Variants in ZUP1 observed in about 807,000 individuals in gnomAD.
ZUP1 encodes the protein zinc finger-containing ubiquitin peptidase 1.
A neutral mutation model predicts 68.1 loss-of-function variants in ZUP1; 55 were observed. The observed-to-expected ratio is 0.81, with a 90% CI of 0.65 to 1.01. The LOEUF (loss-of-function observed/expected upper bound fraction) is 1.01. Ranked by LOEUF, ZUP1 falls within the 50% of genes least tolerant of loss-of-function variation. The pLI is 0.00. For synonymous variants in ZUP1, 223 were observed against 221.5 expected (o/e 1.01, Z -0.06); for missense variants, 684 against 674.9 (o/e 1.01, Z -0.15).
intron 7 of ZUP1, among the ~76,000 whole-genome samples, chr6:116,650,992 G>C (rs761726447): frequency 6.6e-6 from 1 of 152,064 alleles, no homozygotes; most frequent in African/African-American, 2.4e-5. Flanking sequence ...AAAAAGTCCA[G>C]ATTGGAGCAA....
intron 7 of ZUP1, among the ~76,000 whole-genome samples, chr6:116,647,877 G>A (rs1004101888): frequency 3.3e-5 from 5 of 152,026 alleles, no homozygotes; most frequent in African/African-American, 1.2e-4. Context: ...TAATAAGTCT[G>A]CTGACTAACC....
chr6:116,664,759 T>C (rs138424320), intron 2 of ZUP1, among the ~76,000 whole-genome samples: 22 of 151,952 alleles, frequency 1.4e-4, no homozygotes, highest in African/African-American at 5.1e-4. Flanking sequence ...CACACAGATA[T>C]GAAAATGTAA....
chr6:116,653,260 C>A (rs9320575), intron 5 of ZUP1, among the ~76,000 whole-genome samples: 55,109 of 151,600 alleles, frequency 0.36, 10,643 homozygotes, highest in African/African-American at 0.5. Flanking sequence ...TTTTTGTGTC[C>A]CCAAGGTACC....
rs578203799 is a variant in ZUP1 at position 116,646,730 on chromosome 6, A to G, written c.1468+729T>C. Among the ~76,000 whole-genome samples, 3 of 152,208 alleles carry G rather than the reference A, an allele frequency of 2.0e-5. No individual in the cohort carries two copies. The East Asian group carries it at 5.8e-4, about 29-fold the overall frequency. On this transcript the variant is annotated intron_variant, in intron 8 of 9. Transcript: ENST00000368576. The stretch of plus-strand genomic sequence containing the variant: ...GCTAGGACTACAGGCATGTGCCACC[A>G]CACCTGGCTAATTTTCTTATGTTTT...
At chr6:116,659,192 C>T (rs765568001) in intron 3 of ZUP1, among the ~76,000 whole-genome samples, 1 of 152,104 alleles carries the variant, frequency 6.6e-6, no homozygotes, top group Non-Finnish European at 1.5e-5. Flanking sequence ...TACAATGGTG[C>T]GATCTCAGCT....
chr6:116,649,851 A>G (rs1776425732), intron 7 of ZUP1, among the ~76,000 whole-genome samples: 2 of 152,228 alleles, frequency 1.3e-5, no homozygotes, highest in Non-Finnish European at 2.9e-5. Flanking sequence ...ATGGACAACT[A>G]AGGATTTCCA....
chr6:116,667,211 G>A lies in ZUP1; in HGVS notation c.-15-4C>T. 1.3e-6 allele frequency: 2 copies of A among 1,501,100 alleles called. No individual in the cohort carries two copies. Among genetic ancestry groups the A allele is most frequent in the Non-Finnish European group, 1.8e-6 (2 of 1,122,416 alleles). 93.0% of individuals were successfully genotyped at this position (1,501,100 alleles called of 1,614,324 possible). A position where few individuals can be genotyped will look rare whatever the true frequency, so the allele number is the denominator to read the frequency against. On this transcript the variant is annotated splice_polypyrimidine_tract_variant and splice_region_variant and intron_variant, in intron 1 of 9. Coordinates refer to ENST00000368576, the MANE Select transcript of ZUP1 (RefSeq NM_145062.3). Reference sequence around the variant, plus strand: ...AAAGCATGGTATTGACAAGTAGCTAGAAAAGAACATAACATTAGGTTTCAA... The same window carrying A: ...AAAGCATGGTATTGACAAGTAGCTAAAAAAGAACATAACATTAGGTTTCAA...
chr6:116,664,459 T>C (rs1483177374), intron 2 of ZUP1, among the ~76,000 whole-genome samples: 9 of 150,388 alleles, frequency 6.0e-5, no homozygotes, highest in Admixed American at 6.0e-4. Flanking sequence ...CACACAAAAT[T>C]GTATTAAAGG....
chr6:116,666,203 C>T (rs2114301056), intron 2 of ZUP1, among the ~76,000 whole-genome samples: 1 of 152,148 alleles, frequency 6.6e-6, no homozygotes, highest in South Asian at 2.1e-4. Flanking sequence ...ATCCACAGAA[C>T]ATGACCAAGA....
intron 2 of ZUP1, among the ~76,000 whole-genome samples, chr6:116,663,006 A>G (rs1471894660): frequency 1.3e-5 from 2 of 152,194 alleles, no homozygotes; most frequent in Non-Finnish European, 2.9e-5. Context: ...TTCAATATCC[A>G]TAGAAATAGT....
intron 9 of ZUP1, among the ~76,000 whole-genome samples, chr6:116,643,855 C>A (rs1465261159): frequency 1.5e-4 from 23 of 152,188 alleles, no homozygotes; most frequent in South Asian, 6.2e-4. Context: ...AATTAAACTA[C>A]AGAGCTTCTG....
chr6:116,649,917 A>G (rs1222122114), intron 7 of ZUP1, among the ~76,000 whole-genome samples: 1 of 152,240 alleles, frequency 6.6e-6, no homozygotes, highest in Non-Finnish European at 1.5e-5. Flanking sequence ...ATATGAAAAA[A>G]TACTAATATC....
chr6:116,651,239 G>C (rs1776480483), intron 7 of ZUP1, among the ~76,000 whole-genome samples: 1 of 152,106 alleles, frequency 6.6e-6, no homozygotes, highest in Non-Finnish European at 1.5e-5. Flanking sequence ...TGTAAACTCT[G>C]ATTTTAATAA....
Position 116,652,075 on chromosome 6 carries a change from C to T in ZUP1, c.1079G>A (p.Cys360Tyr), listed in dbSNP as rs201652589. 3.7e-6 allele frequency: 6 copies of T among 1,613,874 alleles called. No individual in the cohort carries two copies. Among genetic ancestry groups the T allele is most frequent in the Non-Finnish European group, 5.1e-6 (6 of 1,179,908 alleles). Residue 360 changes from cysteine to tyrosine, a missense_variant, in exon 6 of 10, where the codon TGT (cysteine) becomes TAT (tyrosine). Physicochemically the swap from Cys to Tyr is radical, Grantham distance 194 (BLOSUM62 -2). Coordinates refer to ENST00000368576, the MANE Select transcript of ZUP1 (RefSeq NM_145062.3). ...TAGCATTTGGAAATTTCTGTAACCA[C>T]AACCCCAACCTTTGTCGCCTAAAGA... is the stretch of plus-strand genomic sequence containing the variant. ...HSSLGDKGWG[C>Y]GYRNFQMLLS...
At chr6:116,638,060 G>A (rs1285575674) in intron 9 of ZUP1, among the ~76,000 whole-genome samples, 3 of 132,010 alleles carry the variant, frequency 2.3e-5, no homozygotes, top group East Asian at 4.2e-4. Flanking sequence ...AGTGAGAGTC[G>A]GTCTCCAAAA....
At chr6:116,640,393 T>C (rs1444190258) in intron 9 of ZUP1, among the ~76,000 whole-genome samples, 7 of 152,044 alleles carry the variant, frequency 4.6e-5, no homozygotes, top group East Asian at 1.9e-4. Flanking sequence ...TTGTCAGATT[T>C]ACCAAAGCTG....
intron 9 of ZUP1, among the ~76,000 whole-genome samples, chr6:116,641,921 A>G (rs1248691311): frequency 6.6e-6 from 1 of 152,226 alleles, no homozygotes; most frequent in East Asian, 1.9e-4. Flanking sequence ...TGAAAGGATC[A>G]ACAAAATTGA....
At chr6:116,644,091 CTCA>C (rs1776210603) in intron 9 of ZUP1, among the ~76,000 whole-genome samples, 1 of 152,194 alleles carries the variant, frequency 6.6e-6, no homozygotes, top group Non-Finnish European at 1.5e-5. Flanking sequence ...TGAAAAAATG[CTCA>C]TCATCACTGG....
At chr6:116,654,741 T>C (rs1045868149) in intron 5 of ZUP1, among the ~76,000 whole-genome samples, 5 of 151,846 alleles carry the variant, frequency 3.3e-5, no homozygotes, top group African/African-American at 1.2e-4. Flanking sequence ...AACAACTCAA[T>C]AGAGAATAGA....
Sources: gnomAD v4.1 joint callset for allele counts (sites outside exome capture counted in the v4.1 genomes callset) on GRCh38, gnomAD v4.1.1 for gene constraint, MANE v1.5 for transcripts, NCBI Gene and HGNC (gene_info 2026-07-23, HGNC 2026-07-21) for gene names.